Variants in PKM observed in about 807,000 individuals in gnomAD.
PKM encodes pyruvate kinase M1/2, also known as pyruvate kinase PKM.
PKM carries 18 observed loss-of-function variants against 49.8 expected under a neutral mutation model. The observed-to-expected ratio is 0.36, with a 90% CI of 0.25 to 0.54. The LOEUF is 0.54. Among genes scored for constraint, PKM ranks in the 20% least tolerant of loss-of-function variants. PKM has a pLI of 0.89. For synonymous variants in PKM, 239 were observed against 261.8 expected (o/e 0.91, Z 0.84); for missense variants, 508 against 713.8 (o/e 0.71, Z 3.28).
Position 72,202,836 on chromosome 15 carries a change from T to C in PKM, c.1141-216A>G. 1.4e-6 allele frequency: 1 copy of C among 720,482 alleles called. No individual in the cohort carries two copies. Among genetic ancestry groups the C allele is most frequent in the Non-Finnish European group, 2.4e-6 (1 of 415,842 alleles). 44.6% of individuals were successfully genotyped at this position (720,482 alleles called of 1,614,324 possible). The stretch of plus-strand genomic sequence containing the variant: ...AGTCCTTCACCAAGTGCCTGTGACA[T>C]CTACTGTGCCTACTGAGCCACAGGA... On this transcript the variant is annotated intron_variant, in intron 8 of 10. Transcript: ENST00000335181. The surrounding 1 kb of genome is among the most constrained non-coding windows in gnomAD (Gnocchi z 4.5).
chr15:72,202,749 CCA>C lies in PKM; in HGVS notation c.1141-131_1141-130del. The C allele has an allele frequency of 1.2e-6, 1 of 815,050 alleles. No homozygotes were observed. Among genetic ancestry groups the C allele is most frequent in the East Asian group, 2.7e-5 (1 of 37,584 alleles). The allele number at this position is 815,050 out of a possible 1,614,324, so 50.5% of individuals were successfully genotyped here. On this transcript the variant is annotated intron_variant, in intron 8 of 10. Transcript: ENST00000335181. This position sits in a 1 kb window ranked among gnomAD's most constrained non-coding sequence, Gnocchi z 4.5. ...AGGAACATGTTCCTGGGAACAAAGG[CCA>C]AGAGGAGCCCAATCACTGGAGATTC...
chr15:72,221,502 A>G (rs2082522798), intron 1 of PKM, among the ~76,000 whole-genome samples: 1 of 152,118 alleles, frequency 6.6e-6, no homozygotes, highest in East Asian at 1.9e-4. Context: ...AAACATACCT[A>G]AAAGACCTGG....
At chr15:72,216,482 G>C (rs957200835) in intron 3 of PKM, among the ~76,000 whole-genome samples, 1 of 152,152 alleles carries the variant, frequency 6.6e-6, no homozygotes, top group South Asian at 2.1e-4. Context: ...AATTAGCCAG[G>C]TGTGGTGGTG....
At chr15:72,212,393 T>G (rs2082275948) in intron 3 of PKM, among the ~76,000 whole-genome samples, 1 of 151,598 alleles carries the variant, frequency 6.6e-6, no homozygotes, top group Admixed American at 6.6e-5. Context: ...GAGAACCACT[T>G]GAACCTAGGA....
rs2082190419 is a variant in PKM, at chr15:72,209,584, G to C, written c.565+89C>G. The C allele has an allele frequency of 9.3e-5, 108 of 1,159,310 alleles. 1 individual carries two copies. In the South Asian group the frequency reaches 1.2e-3, roughly 13 times the overall value. 71.8% of individuals were successfully genotyped at this position (1,159,310 alleles called of 1,614,324 possible). ...ACACACAGACTCAATCTCACTGCCA[G>C]GCAACCAACCTTCCCATCTTCCTTG... is the stretch of plus-strand genomic sequence containing the variant. On this transcript the variant is annotated intron_variant, in intron 5 of 10. Transcript: ENST00000335181.
At chr15:72,212,948 G>C (rs747754243) in intron 3 of PKM, among the ~76,000 whole-genome samples, 1 of 151,948 alleles carries the variant, frequency 6.6e-6, no homozygotes, top group Admixed American at 6.6e-5. Flanking sequence ...GGTAGCAGGC[G>C]CCTGTAGTCC....
intron 3 of PKM, among the ~76,000 whole-genome samples, chr15:72,216,484 G>A (rs2082380341): frequency 6.6e-6 from 1 of 152,190 alleles, no homozygotes; most frequent in South Asian, 2.1e-4. Flanking sequence ...TTAGCCAGGT[G>A]TGGTGGTGCA....
At position 72,210,484 on chromosome 15, in the gene PKM, G is replaced by A. The variant is rs766514028; in HGVS notation, c.247-6C>T. On this transcript the variant is annotated splice_polypyrimidine_tract_variant and splice_region_variant and intron_variant, in intron 3 of 10. Coordinates refer to ENST00000335181, the MANE Select transcript of PKM (RefSeq NM_002654.6). ...TTGATGGTCTCCGCATGGTACTGGG[G>A]GAAAAGAAGGAAGATGACAAGCGTG... The A allele has an allele frequency of 6.2e-7, 1 of 1,614,062 alleles. No individual in the cohort carries two copies. Among genetic ancestry groups the A allele is most frequent in the Non-Finnish European group, 8.5e-7 (1 of 1,179,982 alleles).
At chr15:72,203,142 T>A (rs2081987756) in intron 8 of PKM, 4 of 1,613,976 alleles carry the variant, frequency 2.5e-6, no homozygotes, top group African/African-American at 1.3e-5. Context: ...CACAAGTTCT[T>A]CAAACAGCTT....
At chr15:72,231,499 C>G (rs889204780), upstream of PKM, 9 of 152,522 alleles carry the variant, frequency 5.9e-5, no homozygotes, top group Non-Finnish European at 8.8e-5. Flanking sequence ...TCCTCCCAGA[C>G]CCCCGGGCGC....
At position 72,209,697 on chromosome 15, in the gene PKM, T is replaced by C; in HGVS notation, c.541A>G (p.Ile181Val). 6.2e-7 allele frequency: 1 copy of C among 1,613,640 alleles called. No individual in the cohort carries two copies. The highest frequency in any genetic ancestry group is 1.1e-5 in the South Asian group (1 of 91,054). Reference sequence around the variant, plus strand: ...CCTTTCTGCTTCACCTGGAGAGAAATAAGCCCATCATCCACGTAGATCTTG... The same window carrying C: ...CCTTTCTGCTTCACCTGGAGAGAAACAAGCCCATCATCCACGTAGATCTTG... ...GSKIYVDDGL[I>V]SLQVKQKGAD... is the part of the protein sequence containing the mutation. Residue 181 changes from isoleucine to valine, a missense_variant, in exon 5 of 11, where the codon ATT (isoleucine) becomes GTT (valine). Ile to Val is a conservative substitution (Grantham distance 29, BLOSUM62 3). Coordinates refer to ENST00000335181, the MANE Select transcript of PKM (RefSeq NM_002654.6).
At chr15:72,230,892 G>A (rs1442969615) in intron 1 of PKM, 1 of 1,281,628 alleles carries the variant, frequency 7.8e-7, no homozygotes, top group Non-Finnish European at 1.0e-6. Flanking sequence ...AGGAGCCGGC[G>A]GACCCGCCTG....
At position 72,200,743 on chromosome 15, in the gene PKM, A is replaced by C; in HGVS notation, c.1308-88T>G. On this transcript the variant is annotated intron_variant, in intron 9 of 10. Coordinates refer to ENST00000335181, the MANE Select transcript of PKM (RefSeq NM_002654.6). This position sits in a 1 kb window ranked among gnomAD's most constrained non-coding sequence, Gnocchi z 4.6. ...GGGCGTTCAAACAGCTCACCCTCTC[A>C]TCCAGCTCACTGAGGGCTCTGGCCT... 1.7e-6 allele frequency: 2 copies of C among 1,169,980 alleles called. No individual in the cohort carries two copies. The highest frequency in any genetic ancestry group is 1.4e-5 in the South Asian group (1 of 71,800). The allele number at this position is 1,169,980 out of a possible 1,614,324, so 72.5% of individuals were successfully genotyped here. A position where few individuals can be genotyped will look rare whatever the true frequency, so the allele number is the denominator to read the frequency against.
At chr15:72,205,638 T>C (rs1346498323) in intron 8 of PKM, among the ~76,000 whole-genome samples, 1 of 150,946 alleles carries the variant, frequency 6.6e-6, no homozygotes, top group Non-Finnish European at 1.5e-5. Flanking sequence ...TTTTTTTTTT[T>C]TTTTTTTTCT....
At chr15:72,213,639 C>A (rs1159107567) in intron 3 of PKM, among the ~76,000 whole-genome samples, 1 of 152,202 alleles carries the variant, frequency 6.6e-6, no homozygotes, top group Non-Finnish European at 1.5e-5. Context: ...CCATGTTGGC[C>A]AGGCTGGTCT....
intron 1 of PKM, among the ~76,000 whole-genome samples, chr15:72,220,854 T>C (rs1225738317): frequency 2.0e-5 from 3 of 152,216 alleles, no homozygotes; most frequent in Non-Finnish European, 4.4e-5. Flanking sequence ...CCCTGGTCCC[T>C]TTCCCTACAC....
At chr15:72,221,090 A>T (rs1406937522) in intron 1 of PKM, 1 of 803,880 alleles carries the variant, frequency 1.2e-6, no homozygotes, top group Non-Finnish European at 2.1e-6. Flanking sequence ...AAAAACCATC[A>T]GCTGGCTCTT....
At chr15:72,210,746 C>G (rs1596753264) in intron 3 of PKM, among the ~76,000 whole-genome samples, 1 of 152,028 alleles carries the variant, frequency 6.6e-6, no homozygotes, top group East Asian at 1.9e-4. Context: ...ATATTGCCAC[C>G]AAAACCCATT....
Position 72,202,774 on chromosome 15 carries a change from T to C in PKM, c.1141-154A>G. The C allele has an allele frequency of 2.7e-6, 2 of 745,012 alleles. No individual in the cohort carries two copies. The highest frequency in any genetic ancestry group is 4.5e-6 in the Non-Finnish European group (2 of 441,766). The allele number at this position is 745,012 out of a possible 1,614,324, so 46.2% of individuals were successfully genotyped here. On this transcript the variant is annotated intron_variant, in intron 8 of 10. Coordinates refer to ENST00000335181, the MANE Select transcript of PKM (RefSeq NM_002654.6). This position sits in a 1 kb window ranked among gnomAD's most constrained non-coding sequence, Gnocchi z 4.5. ...CCAAGAGGAGCCCAATCACTGGAGA[T>C]TCTGAGCTGAGCCAAGATCAAGACT...
Sources: gnomAD v4.1 joint callset for allele counts (sites outside exome capture counted in the v4.1 genomes callset) on GRCh38, gnomAD v4.1.1 for gene constraint, Gnocchi (gnomAD v3.1) non-coding constraint, MANE v1.5 for transcripts, NCBI Gene and HGNC (gene_info 2026-07-23, HGNC 2026-07-21) for gene names.